Variants in SND1 observed in about 807,000 individuals in gnomAD.
The protein encoded by SND1 is staphylococcal nuclease and tudor domain containing 1.
A neutral mutation model predicts 121.7 loss-of-function variants in SND1; 38 were observed. That is an observed-to-expected ratio of 0.31 (90% CI 0.24 to 0.41). The LOEUF (loss-of-function observed/expected upper bound fraction) is 0.41, where lower values mean the gene tolerates loss of function less well. Ranked by LOEUF, SND1 falls within the 10% of genes least tolerant of loss-of-function variation. The probability of loss-of-function intolerance (pLI) is 1.00; values close to 1 mark genes in which losing one functional copy is unlikely to be tolerated. For synonymous variants in SND1, 401 were observed against 447.4 expected (o/e 0.90, Z 1.31); for missense variants, 868 against 1,184.6 (o/e 0.73, Z 3.92).
At chr7:128,064,852 G>A (rs561050698) in intron 16 of SND1, among the ~76,000 whole-genome samples, 1 of 152,342 alleles carries the variant, frequency 6.6e-6, no homozygotes, top group South Asian at 2.1e-4. Context: ...CAAAAGGAAA[G>A]GGGGTGCTTG....
intron 18 of SND1, among the ~76,000 whole-genome samples, chr7:128,082,254 C>T (rs1017766006): frequency 2.6e-5 from 4 of 152,204 alleles, no homozygotes; most frequent in East Asian, 1.9e-4. Context: ...GAGTTTGGAG[C>T]GGAAGGAAAA....
intron 15 of SND1, among the ~76,000 whole-genome samples, chr7:127,961,300 A>AT (rs1299766241): frequency 6.6e-6 from 1 of 152,170 alleles, no homozygotes; most frequent in Non-Finnish European, 1.5e-5. Flanking sequence ...ATCAATGAGG[A>AT]TTTTTTTCAT....
At chr7:127,655,152 T>G (rs1163818714) in intron 1 of SND1, among the ~76,000 whole-genome samples, 2 of 152,320 alleles carry the variant, frequency 1.3e-5, no homozygotes, top group East Asian at 3.9e-4. Context: ...GAGCTGAAGG[T>G]CTGAAATCGT....
chr7:128,040,742 C>G (rs1284294550), intron 16 of SND1, among the ~76,000 whole-genome samples: 2 of 152,244 alleles, frequency 1.3e-5, no homozygotes, highest in African/African-American at 4.8e-5. Flanking sequence ...CTTCTTGTAT[C>G]TCTTCCATGG....
intron 21 of SND1, 74 bp from the exon 22 acceptor site, chr7:128,089,415 A>C (rs1793738878): frequency 1.4e-6 from 2 of 1,417,604 alleles, no homozygotes; most frequent in African/African-American, 2.8e-5. Flanking sequence ...CTTTCTTGGG[A>C]GTCTATGGAC....
intron 14 of SND1, among the ~76,000 whole-genome samples, chr7:127,926,739 T>TTGTTGTTGTTGTTGTTGC (rs1800849100): frequency 6.8e-6 from 1 of 148,080 alleles, no homozygotes; most frequent in Non-Finnish European, 1.5e-5. Context: ...GTTGTTGTTG[T>TTGTTGTTGTTGTTGTTGC]TGTTGTTGTT....
At chr7:128,020,316 G>A (rs1193061321) in intron 16 of SND1, among the ~76,000 whole-genome samples, 3 of 152,214 alleles carry the variant, frequency 2.0e-5, no homozygotes, top group African/African-American at 4.8e-5. Flanking sequence ...GCATCAAACT[G>A]CAAACTCCAG....
intron 11 of SND1, among the ~76,000 whole-genome samples, chr7:127,831,928 T>C (rs887363567): frequency 1.4e-4 from 21 of 152,176 alleles, no homozygotes; most frequent in Non-Finnish European, 2.4e-4. Context: ...TAAGCCCTTC[T>C]ACAGTGCCAA....
intron 16 of SND1, among the ~76,000 whole-genome samples, chr7:128,036,774 A>C (rs895136925): frequency 1.3e-5 from 2 of 152,230 alleles, no homozygotes; most frequent in East Asian, 3.8e-4. Context: ...GTCTAGCCAC[A>C]GTCACTTACA....
At chr7:127,974,856 C>T (rs2116891231) in intron 15 of SND1, among the ~76,000 whole-genome samples, 1 of 152,266 alleles carries the variant, frequency 6.6e-6, no homozygotes, top group South Asian at 2.1e-4. Context: ...TGGTGTCTCC[C>T]TAGGATGGTT....
intron 13 of SND1, among the ~76,000 whole-genome samples, chr7:127,898,958 AT>A (rs1229000200): frequency 6.6e-6 from 1 of 151,946 alleles, no homozygotes; most frequent in Non-Finnish European, 1.5e-5. Flanking sequence ...AACAAACCTC[AT>A]TTTTTTGCCC....
At chr7:128,010,734 C>T (rs1803096236) in intron 16 of SND1, among the ~76,000 whole-genome samples, 1 of 152,222 alleles carries the variant, frequency 6.6e-6, no homozygotes, top group Non-Finnish European at 1.5e-5. Flanking sequence ...GCAGTGGGTC[C>T]ATAAAGCAAG....
rs138183296 is a variant in SND1, at chr7:127,842,702, A to G, written c.1243-1622A>G. Among the ~76,000 whole-genome samples, 139 of 151,752 alleles carry G rather than the reference A, an allele frequency of 9.2e-4. 1 individual carries two copies. The highest frequency in any genetic ancestry group is 3.4e-3 in the Middle Eastern group (1 of 294). ...TATTTATATTTTTTATTTTTCAGAG[A>G]GATGGGGGTCTTGCTTTGTTTCCCA... On this transcript the variant is annotated intron_variant, in intron 11 of 23. Coordinates refer to ENST00000354725, the MANE Select transcript of SND1 (RefSeq NM_014390.4).
intron 10 of SND1, among the ~76,000 whole-genome samples, chr7:127,781,566 A>G (rs1797723035): frequency 7.4e-6 from 1 of 134,992 alleles, no homozygotes; most frequent in Non-Finnish European, 1.6e-5. Flanking sequence ...GAAAGGAAGA[A>G]GAAACTTTTT....
intron 7 of SND1, 110 bp from the exon 8 acceptor site, chr7:127,704,729 A>C (rs901084625): frequency 1.7e-5 from 15 of 894,004 alleles, no homozygotes; most frequent in Non-Finnish European, 2.5e-5. Context: ...CAAACAAACA[A>C]ACTGCAGACT....
intron 10 of SND1, among the ~76,000 whole-genome samples, chr7:127,756,256 TGTA>T (rs1797192968): frequency 6.6e-6 from 1 of 152,236 alleles, no homozygotes; most frequent in African/African-American, 2.4e-5. Context: ...GCCTTTGATC[TGTA>T]GTATTTTTTT....
chr7:128,061,329 C>A (rs1378091483), intron 16 of SND1, among the ~76,000 whole-genome samples: 1 of 152,236 alleles, frequency 6.6e-6, no homozygotes, highest in African/African-American at 2.4e-5. Context: ...CCTCTGATCT[C>A]ATTGCAGTGG....
chr7:127,851,880 G>T (rs1430024655), intron 12 of SND1, among the ~76,000 whole-genome samples: 1 of 152,154 alleles, frequency 6.6e-6, no homozygotes, highest in African/African-American at 2.4e-5. Context: ...CGCTTGGCTG[G>T]GCACGGTGGC....
At chr7:127,986,217 G>C (rs1440756463) in intron 15 of SND1, among the ~76,000 whole-genome samples, 1 of 152,216 alleles carries the variant, frequency 6.6e-6, no homozygotes, top group Admixed American at 6.5e-5. Flanking sequence ...ACAAGAATGT[G>C]TACTTCTTGT....
Sources: gnomAD v4.1 joint callset for allele counts (sites outside exome capture counted in the v4.1 genomes callset) on GRCh38, gnomAD v4.1.1 for gene constraint, MANE v1.5 for transcripts, NCBI Gene and HGNC (gene_info 2026-07-23, HGNC 2026-07-21) for gene names.